The following GALNT15 variants were observed in gnomAD, a reference collection of about 807,000 sequenced individuals.
The protein encoded by GALNT15 is UDP-GalNAc transferase T15.
In GALNT15, 67 loss-of-function variants were observed where a neutral mutation model predicts 66.8. The ratio of observed to expected loss-of-function variants is 1.00; its 90% CI spans 0.82 to 1.23. The LOEUF (loss-of-function observed/expected upper bound fraction) is 1.23, where lower values mean the gene tolerates loss of function less well. Among genes scored for constraint, GALNT15 ranks in the 50% most tolerant of loss-of-function variants. The probability of loss-of-function intolerance (pLI) is 0.00; values close to 1 mark genes in which losing one functional copy is unlikely to be tolerated. For synonymous variants in GALNT15, 313 were observed against 311.5 expected (o/e 1.00, Z -0.05); for missense variants, 827 against 804.3 (o/e 1.03, Z -0.34).
chr3:16,233,697 C>A (rs2064106605), downstream of GALNT15, among the ~76,000 whole-genome samples: 1 of 152,168 alleles, frequency 6.6e-6, no homozygotes, highest in South Asian at 2.1e-4. Context: ...GGCCTCCATG[C>A]CCTTCTGCCA....
rs1184453319 is a variant in GALNT15 at position 16,193,954 on chromosome 3, C to T, written c.540-1806C>T. Among the ~76,000 whole-genome samples, 1 of 152,230 alleles carries T rather than the reference C, an allele frequency of 6.6e-6. No homozygotes were observed. Among genetic ancestry groups the T allele is most frequent in the East Asian group, 1.9e-4 (1 of 5,198 alleles). On this transcript the variant is annotated intron_variant, in intron 1 of 9. Coordinates refer to ENST00000339732, the MANE Select transcript of GALNT15 (RefSeq NM_054110.5). The surrounding 1 kb of genome is among the most constrained non-coding windows in gnomAD (Gnocchi z 4.7). ...TATAATTCACTCCACCCTGGACCCA[C>T]TGATTCTCAACAGACCCAAAGCAAG...
the GALNT15 span, among the ~76,000 whole-genome samples, chr3:16,246,681 C>T: frequency 1.3e-5 from 2 of 152,070 alleles, no homozygotes; most frequent in African/African-American, 4.8e-5. Context: ...ATGTAATACT[C>T]TATAGCAGAA....
intron 9 of GALNT15, among the ~76,000 whole-genome samples, chr3:16,226,301 A>C (rs2064017166): frequency 6.6e-6 from 1 of 152,178 alleles, no homozygotes; most frequent in East Asian, 1.9e-4. Context: ...TATACTAAAA[A>C]CCACCAACTT....
chr3:16,198,186 T>C (rs1316255767), intron 2 of GALNT15, among the ~76,000 whole-genome samples: 1 of 142,000 alleles, frequency 7.0e-6, no homozygotes, highest in Non-Finnish European at 1.6e-5. Context: ...CACAATGCCA[T>C]TGGACACCCA....
downstream of GALNT15, among the ~76,000 whole-genome samples, chr3:16,236,017 A>C (rs2064123150): frequency 6.7e-6 from 1 of 148,512 alleles, no homozygotes; most frequent in Non-Finnish European, 1.5e-5. Flanking sequence ...AGGCAGGAGA[A>C]TCACTTGAAC....
chr3:16,193,976 C>A lies in GALNT15; in HGVS notation c.540-1784C>A, dbSNP rs1439962316. On this transcript the variant is annotated intron_variant, in intron 1 of 9. Transcript: ENST00000339732. The surrounding 1 kb of genome is among the most constrained non-coding windows in gnomAD (Gnocchi z 4.7). ...CCACTGATTCTCAACAGACCCAAAG[C>A]AAGGCAAACACCAAGCACCCTGTTC... Among the ~76,000 whole-genome samples, 1 of 152,208 alleles carries A rather than the reference C, an allele frequency of 6.6e-6. No individual in the cohort carries two copies. The highest frequency in any genetic ancestry group is 2.4e-5 in the African/African-American group (1 of 41,452).
chr3:16,223,104 G>A (rs1344238933), intron 9 of GALNT15, among the ~76,000 whole-genome samples: 1 of 152,072 alleles, frequency 6.6e-6, no homozygotes, highest in African/African-American at 2.4e-5. Context: ...TTGGTGGTGT[G>A]GTTTTAGGAG....
intron 3 of GALNT15, 46 bp from the exon 4 acceptor site, chr3:16,208,457 A>G (rs900560867): frequency 1.9e-6 from 3 of 1,598,188 alleles, no homozygotes; most frequent in Non-Finnish European, 1.7e-6. Context: ...CAGCCCCAGC[A>G]AGTAAATGCT....
chr3:16,235,259 C>T (rs1337441538), downstream of GALNT15, among the ~76,000 whole-genome samples: 2 of 152,176 alleles, frequency 1.3e-5, no homozygotes, highest in African/African-American at 4.8e-5. Flanking sequence ...ATTAGACATC[C>T]TTCCTCCCTG....
chr3:16,232,848 T>C (rs1241369951), downstream of GALNT15, among the ~76,000 whole-genome samples: 1 of 151,690 alleles, frequency 6.6e-6, no homozygotes, highest in African/African-American at 2.4e-5. Flanking sequence ...TCTGATTTGG[T>C]AGGTCTGTGT....
Position 16,217,154 on chromosome 3 carries a change from G to C in GALNT15, c.1393-2249G>C, listed in dbSNP as rs542661566. 1.1e-4 allele frequency among the ~76,000 whole-genome samples: 16 copies of C among 152,336 alleles called. No individual in the cohort carries two copies. The South Asian group carries it at 3.3e-3, about 32-fold the overall frequency. On this transcript the variant is annotated intron_variant, in intron 6 of 9. Transcript: ENST00000339732. ...CCTCTAAGAACTCAGTAACTGTTGT[G>C]AGTATACTATAAAATGAAATGTGAA...
downstream of GALNT15, among the ~76,000 whole-genome samples, chr3:16,231,172 G>C (rs954527364): frequency 2.6e-5 from 4 of 151,394 alleles, no homozygotes; most frequent in Non-Finnish European, 4.4e-5. This position sits in a 1 kb window ranked among gnomAD's most constrained non-coding sequence, Gnocchi z 4.1. Flanking sequence ...AGGGAAGGGA[G>C]AGCATCAGGA....
At chr3:16,237,870 G>A in the GALNT15 span, among the ~76,000 whole-genome samples, 2 of 152,078 alleles carry the variant, frequency 1.3e-5, no homozygotes, top group Non-Finnish European at 2.9e-5. The surrounding 1 kb of genome is among the most constrained non-coding windows in gnomAD (Gnocchi z 4.2). Flanking sequence ...TCACAGACTG[G>A]TTTACGCAAT....
chr3:16,243,521 C>G, the GALNT15 span, among the ~76,000 whole-genome samples: 1 of 152,334 alleles, frequency 6.6e-6, no homozygotes, highest in East Asian at 1.9e-4. Flanking sequence ...CCAGCACCAC[C>G]AGGAACATAC....
rs987100714 is a variant in GALNT15, at chr3:16,189,820, T to A, written c.540-5940T>A. On this transcript the variant is annotated intron_variant, in intron 1 of 9. Transcript: ENST00000339732. This position sits in a 1 kb window ranked among gnomAD's most constrained non-coding sequence, Gnocchi z 5.1. Reference sequence around the variant, plus strand: ...AACATGAGTTTAAGTAAATTGTATGTTCAAGATGGATTAATGGAGTCAAAA... The same window carrying A: ...AACATGAGTTTAAGTAAATTGTATGATCAAGATGGATTAATGGAGTCAAAA... Among the ~76,000 whole-genome samples the A allele has an allele frequency of 6.6e-6, 1 of 152,204 alleles. No homozygotes were observed. The highest frequency in any genetic ancestry group is 2.4e-5 in the African/African-American group (1 of 41,438).
Position 16,180,026 on chromosome 3 carries a change from A to C in GALNT15, c.539+4336A>C, listed in dbSNP as rs1167313643. Among the ~76,000 whole-genome samples, 3 of 152,198 alleles carry C rather than the reference A, an allele frequency of 2.0e-5. No homozygotes were observed. Among genetic ancestry groups the C allele is most frequent in the African/African-American group, 7.2e-5 (3 of 41,448 alleles). On this transcript the variant is annotated intron_variant, in intron 1 of 9. Transcript: ENST00000339732. The surrounding 1 kb of genome is among the most constrained non-coding windows in gnomAD (Gnocchi z 5.0). ...GCAGGGGCAATGGGTTCCTAGGATCAAAGAGGCTGCTGTGTGAGCCAGTGC... is the reference window on the plus strand; with the variant it reads ...GCAGGGGCAATGGGTTCCTAGGATCCAAGAGGCTGCTGTGTGAGCCAGTGC...
In GALNT15 at chr3:16,195,076, G is replaced by A. The variant is rs992822058; in HGVS notation, c.540-684G>A. Among the ~76,000 whole-genome samples the A allele has an allele frequency of 2.0e-5, 3 of 152,154 alleles. No individual in the cohort carries two copies. Among genetic ancestry groups the A allele is most frequent in the Non-Finnish European group, 4.4e-5 (3 of 68,026 alleles). ...TAGGAACATAAAAATAAAGAAAATA[G>A]TGTCCCTGACCTTGAATGGATGACA... On this transcript the variant is annotated intron_variant, in intron 1 of 9. Transcript: ENST00000339732. The surrounding 1 kb of genome is among the most constrained non-coding windows in gnomAD (Gnocchi z 4.6).
chr3:16,232,489 TATATATATATATATATATA>T (rs2064093713), downstream of GALNT15, among the ~76,000 whole-genome samples: 1 of 74,604 alleles, frequency 1.3e-5, no homozygotes, highest in African/African-American at 5.9e-5. Flanking sequence ...TATATATATA[TATATATATATATATATATA>T]TATTTATTTA....
chr3:16,192,562 ATG>A, intron 1 of GALNT15, among the ~76,000 whole-genome samples: 1 of 152,290 alleles, frequency 6.6e-6, no homozygotes, highest in African/African-American at 2.4e-5. Context: ...ACCCAAATGC[ATG>A]GCCACAAAAG....
Sources: gnomAD v4.1 joint callset for allele counts (sites outside exome capture counted in the v4.1 genomes callset) on GRCh38, gnomAD v4.1.1 for gene constraint, Gnocchi (gnomAD v3.1) non-coding constraint, MANE v1.5 for transcripts, NCBI Gene and HGNC (gene_info 2026-07-23, HGNC 2026-07-21) for gene names.